RABGAP1L: variants seen among roughly 807,000 people sequenced by gnomAD.
The protein encoded by RABGAP1L is rab GTPase-activating protein 1-like.
A neutral mutation model predicts 137.7 loss-of-function variants in RABGAP1L; 63 were observed. The observed-to-expected ratio is 0.46, with a 90% CI of 0.37 to 0.56. The LOEUF (loss-of-function observed/expected upper bound fraction) is 0.56. RABGAP1L is among the 20% of genes least tolerant of loss of function. RABGAP1L has a pLI of 0.00. For synonymous variants in RABGAP1L, 431 were observed against 433.7 expected (o/e 0.99, Z 0.08); for missense variants, 1,095 against 1,244.0 (o/e 0.88, Z 1.80).
chr1:174,561,706 A>G (rs959934709), intron 13 of RABGAP1L, among the ~76,000 whole-genome samples: 6 of 152,182 alleles, frequency 3.9e-5, no homozygotes, highest in Non-Finnish European at 7.3e-5. Context: ...ATAACACCAC[A>G]CATCTACAAA....
intron 18 of RABGAP1L, among the ~76,000 whole-genome samples, chr1:174,792,677 T>C (rs1391312734): frequency 6.6e-6 from 1 of 152,226 alleles, no homozygotes; most frequent in African/African-American, 2.4e-5. Flanking sequence ...TCTACAACTT[T>C]CTGTATGTCA....
chr1:174,566,690 G>A (rs1667609805), intron 13 of RABGAP1L, among the ~76,000 whole-genome samples: 1 of 152,148 alleles, frequency 6.6e-6, no homozygotes, highest in South Asian at 2.1e-4. Flanking sequence ...CTTGAACGTA[G>A]AGTTTAATTA....
At chr1:174,635,778 A>T (rs1285175838) in intron 13 of RABGAP1L, among the ~76,000 whole-genome samples, 1 of 152,124 alleles carries the variant, frequency 6.6e-6, no homozygotes, top group Non-Finnish European at 1.5e-5. Context: ...TGTATATAAG[A>T]TCTAATTACC....
At chr1:174,297,071 C>A (rs756591324) in intron 10 of RABGAP1L, among the ~76,000 whole-genome samples, 7 of 152,146 alleles carry the variant, frequency 4.6e-5, no homozygotes, top group Non-Finnish European at 8.8e-5. Context: ...TTAGGTGCTA[C>A]TACTTATTTC....
intron 10 of RABGAP1L, among the ~76,000 whole-genome samples, chr1:174,304,763 G>A (rs1467178158): frequency 2.6e-5 from 4 of 151,988 alleles, no homozygotes; most frequent in African/African-American, 4.8e-5. Context: ...ATAATTAGTA[G>A]GTTTCATCAT....
intron 22 of RABGAP1L, among the ~76,000 whole-genome samples, chr1:174,977,061 G>C (rs1330282861): frequency 6.6e-6 from 1 of 152,198 alleles, no homozygotes; most frequent in Non-Finnish European, 1.5e-5. Flanking sequence ...TTATTTTAAT[G>C]AGTTTCATTC....
chr1:174,724,873 C>G (rs1431716746), intron 17 of RABGAP1L, among the ~76,000 whole-genome samples: 4 of 152,128 alleles, frequency 2.6e-5, no homozygotes, highest in Admixed American at 6.5e-5. Flanking sequence ...ACATTTAAAG[C>G]TGAGATCTAA....
At chr1:174,225,257 G>A (rs1445577829) in intron 3 of RABGAP1L, among the ~76,000 whole-genome samples, 1 of 151,526 alleles carries the variant, frequency 6.6e-6, no homozygotes, top group East Asian at 1.9e-4. Context: ...GTTTTTTAAA[G>A]TTTTTTTGTT....
chr1:174,854,715 C>CTTTTTTTTTTTTTTTTTTTTTTTTTTTTT lies in RABGAP1L; in HGVS notation c.2340+42772_2340+42800dup, dbSNP rs71117584. Among the ~76,000 whole-genome samples, 6 of 56,870 alleles carry CTTTTTTTTTTTTTTTTTTTTTTTTTTTTT rather than the reference C, an allele frequency of 1.1e-4. 1 individual carries two copies. Among genetic ancestry groups the CTTTTTTTTTTTTTTTTTTTTTTTTTTTTT allele is most frequent in the Non-Finnish European group, 2.0e-4 (6 of 29,354 alleles). 37.3% of individuals were successfully genotyped at this position (56,870 alleles called of 152,430 possible). A position where few individuals can be genotyped will look rare whatever the true frequency, so the allele number is the denominator to read the frequency against. On this transcript the variant is annotated intron_variant, in intron 19 of 25. Transcript: ENST00000681986. ...AACTGCAATAGACTCAATATAAATG[C>CTTTTTTTTTTTTTTTTTTTTTTTTTTTTT]TTTTTTTTTTTTTTTTTTTTTTTTT...
At chr1:174,217,424 G>T (rs935824790) in intron 1 of RABGAP1L, among the ~76,000 whole-genome samples, 1 of 152,170 alleles carries the variant, frequency 6.6e-6, no homozygotes, top group Non-Finnish European at 1.5e-5. Context: ...ATTACTTAGA[G>T]TGTGTGACAA....
At chr1:174,752,169 T>A (rs1684393650) in intron 17 of RABGAP1L, 144 bp from the exon 18 acceptor site, 22 of 614,918 alleles carry the variant, frequency 3.6e-5, no homozygotes, top group Non-Finnish European at 4.6e-5. Context: ...AAAATACCTT[T>A]AAAAAAAAAC....
chr1:174,542,054 CT>C (rs1320505095), intron 13 of RABGAP1L, among the ~76,000 whole-genome samples: 1 of 152,096 alleles, frequency 6.6e-6, no homozygotes, highest in Non-Finnish European at 1.5e-5. Flanking sequence ...CTAAAATTCT[CT>C]TTTTTTGTTG....
At chr1:174,396,165 G>GA (rs1647822095) in intron 13 of RABGAP1L, among the ~76,000 whole-genome samples, 1 of 152,066 alleles carries the variant, frequency 6.6e-6, no homozygotes, top group Admixed American at 6.6e-5. Context: ...GGGGTTGGAG[G>GA]AAAAAGGAAT....
intron 1 of RABGAP1L, among the ~76,000 whole-genome samples, chr1:174,214,235 A>G (rs1669116133): frequency 6.6e-6 from 1 of 152,196 alleles, no homozygotes; most frequent in Non-Finnish European, 1.5e-5. Context: ...AAGTAATCCC[A>G]TTTACAATAG....
At chr1:174,898,173 A>G (rs1433080900) in intron 19 of RABGAP1L, among the ~76,000 whole-genome samples, 1 of 152,176 alleles carries the variant, frequency 6.6e-6, no homozygotes, top group African/African-American at 2.4e-5. Flanking sequence ...TTTCATCTTA[A>G]TAGCACTAAT....
rs145757618 is a variant in RABGAP1L at position 174,947,809 on chromosome 1, T to C, written c.2341-9648T>C. Among the ~76,000 whole-genome samples, 104 of 152,362 alleles carry C rather than the reference T, an allele frequency of 6.8e-4. 1 individual carries two copies. The highest frequency in any genetic ancestry group is 2.3e-3 in the African/African-American group (96 of 41,582). On this transcript the variant is annotated intron_variant, in intron 19 of 25. Transcript: ENST00000681986. ...GTGCTCGAAGAATATGGTTTTTCTCTTCTTTAAAACTTGATTTTATTCTTA... is the reference window on the plus strand; with the variant it reads ...GTGCTCGAAGAATATGGTTTTTCTCCTCTTTAAAACTTGATTTTATTCTTA...
At chr1:174,405,003 C>T (rs1251980124) in intron 13 of RABGAP1L, among the ~76,000 whole-genome samples, 2 of 152,086 alleles carry the variant, frequency 1.3e-5, no homozygotes, top group Middle Eastern at 3.2e-3. Context: ...TAAAGCCTGT[C>T]TTCTTTCTGT....
intron 1 of RABGAP1L, among the ~76,000 whole-genome samples, chr1:174,212,289 A>G (rs1203273072): frequency 6.6e-6 from 1 of 152,106 alleles, no homozygotes. Flanking sequence ...TCTGACGACA[A>G]CAGAATGAAA....
intron 13 of RABGAP1L, among the ~76,000 whole-genome samples, chr1:174,500,585 T>C (rs986991263): frequency 2.0e-5 from 3 of 152,138 alleles, no homozygotes; most frequent in Non-Finnish European, 2.9e-5. Flanking sequence ...ACAATCACAG[T>C]AGTGTGATAA....
Sources: gnomAD v4.1 joint callset for allele counts (sites outside exome capture counted in the v4.1 genomes callset) on GRCh38, gnomAD v4.1.1 for gene constraint, MANE v1.5 for transcripts, NCBI Gene and HGNC (gene_info 2026-07-23, HGNC 2026-07-21) for gene names.